The following LRRC4C variants were observed in gnomAD, a reference collection of about 807,000 sequenced individuals.
The protein encoded by LRRC4C is leucine-rich repeat-containing protein 4C.
LRRC4C carries 5 observed loss-of-function variants against 33.6 expected under a neutral mutation model. That is an observed-to-expected ratio of 0.15 (90% CI 0.08 to 0.31). The LOEUF is 0.31. LRRC4C is among the 10% of genes least tolerant of loss of function. LRRC4C has a pLI of 1.00. For synonymous variants in LRRC4C, 329 were observed against 302.0 expected (o/e 1.09, Z -0.93); for missense variants, 560 against 796.7 (o/e 0.70, Z 3.58).
At chr11:41,052,432 C>T (rs1858301843) in intron 1 of LRRC4C, among the ~76,000 whole-genome samples, 1 of 151,654 alleles carries the variant, frequency 6.6e-6, no homozygotes. Context: ...ACAGCCAAAT[C>T]CAGTGCCCTA....
At chr11:41,454,136 G>A (rs556452852) in intron 1 of LRRC4C, among the ~76,000 whole-genome samples, 3 of 152,184 alleles carry the variant, frequency 2.0e-5, no homozygotes, top group South Asian at 4.2e-4. Flanking sequence ...TTGCAGTACC[G>A]AAATACCTGG....
intron 4 of LRRC4C, among the ~76,000 whole-genome samples, chr11:40,270,243 C>A (rs1396234502): frequency 6.6e-6 from 1 of 152,162 alleles, no homozygotes; most frequent in African/African-American, 2.4e-5. Flanking sequence ...GTGGCTTAAA[C>A]AATAGAAATT....
At chr11:41,160,022 C>A (rs1944398068) in intron 1 of LRRC4C, among the ~76,000 whole-genome samples, 1 of 151,986 alleles carries the variant, frequency 6.6e-6, no homozygotes, top group African/African-American at 2.4e-5. Flanking sequence ...AAAGGGCACA[C>A]ACACATACAC....
intron 3 of LRRC4C, among the ~76,000 whole-genome samples, chr11:40,328,623 G>A (rs934834202): frequency 3.3e-5 from 5 of 152,182 alleles, no homozygotes; most frequent in Non-Finnish European, 5.9e-5. Context: ...TTGAGGTATT[G>A]TACATTTCCT....
intron 1 of LRRC4C, among the ~76,000 whole-genome samples, chr11:41,260,695 CA>C (rs1032663113): frequency 6.6e-6 from 1 of 151,604 alleles, no homozygotes; most frequent in Non-Finnish European, 1.5e-5. Flanking sequence ...TGGGGAATAA[CA>C]AAAACAAAAC....
At chr11:40,571,227 G>A (rs1454837014) in intron 3 of LRRC4C, among the ~76,000 whole-genome samples, 1 of 152,108 alleles carries the variant, frequency 6.6e-6, no homozygotes, top group African/African-American at 2.4e-5. Context: ...CAGACATAAA[G>A]CATTCAACTA....
intron 3 of LRRC4C, among the ~76,000 whole-genome samples, chr11:40,354,280 C>T (rs1947553921): frequency 6.6e-6 from 1 of 152,186 alleles, no homozygotes; most frequent in South Asian, 2.1e-4. Flanking sequence ...ACCCCTGTGA[C>T]TACCACCACT....
chr11:40,979,383 G>A (rs1852338328), intron 1 of LRRC4C, among the ~76,000 whole-genome samples: 3 of 152,092 alleles, frequency 2.0e-5, no homozygotes, highest in African/African-American at 7.2e-5. Context: ...TTAATCTATA[G>A]GTAAACAAAT....
chr11:40,600,043 T>G (rs1196954631), intron 3 of LRRC4C, among the ~76,000 whole-genome samples: 1 of 152,196 alleles, frequency 6.6e-6, no homozygotes, highest in Non-Finnish European at 1.5e-5. Flanking sequence ...AGTACAGGAA[T>G]GAACACTGAT....
At chr11:41,017,959 C>T (rs1045621324) in intron 1 of LRRC4C, among the ~76,000 whole-genome samples, 5 of 151,814 alleles carry the variant, frequency 3.3e-5, no homozygotes, top group Non-Finnish European at 5.9e-5. Flanking sequence ...ATTTTTAATG[C>T]GTCCTTAGTA....
At chr11:41,035,407 T>C (rs892965523) in intron 1 of LRRC4C, among the ~76,000 whole-genome samples, 1 of 152,014 alleles carries the variant, frequency 6.6e-6, no homozygotes, top group Non-Finnish European at 1.5e-5. Flanking sequence ...CAGGCCCCAA[T>C]GTGTGTTGTT....
At chr11:41,004,968 T>C (rs1293674778) in intron 1 of LRRC4C, among the ~76,000 whole-genome samples, 5 of 151,542 alleles carry the variant, frequency 3.3e-5, no homozygotes, top group African/African-American at 1.2e-4. Flanking sequence ...CTTCAGTTTT[T>C]CTGTTGTTGT....
chr11:40,344,084 G>A (rs1226945424), intron 3 of LRRC4C, among the ~76,000 whole-genome samples: 3 of 152,024 alleles, frequency 2.0e-5, no homozygotes, highest in Non-Finnish European at 4.4e-5. Context: ...AAGAAGAGCT[G>A]GTACCATTTC....
intron 1 of LRRC4C, among the ~76,000 whole-genome samples, chr11:41,083,841 G>A (rs1353747139): frequency 6.6e-6 from 1 of 152,090 alleles, no homozygotes; most frequent in Non-Finnish European, 1.5e-5. Context: ...TCATGACAGT[G>A]GAAACACAAT....
At chr11:41,031,463 C>G (rs1856723940) in intron 1 of LRRC4C, among the ~76,000 whole-genome samples, 1 of 151,868 alleles carries the variant, frequency 6.6e-6, no homozygotes, top group African/African-American at 2.4e-5. Context: ...GTAAAACAGA[C>G]ATTTTAGAGA....
rs561730466 is a variant in LRRC4C at position 40,659,243 on chromosome 11, C to T, written c.-406-10965G>A. Among the ~76,000 whole-genome samples the T allele has an allele frequency of 1.6e-4, 24 of 152,338 alleles. No homozygotes were observed. The South Asian group carries it at 4.8e-3, about 30-fold the overall frequency. Reference sequence around the variant, plus strand: ...TGGAGCAGTGCTGACATGCCAGTCCCCTGCCACCTTGGTCCTCTCTGGACT... The same window carrying T: ...TGGAGCAGTGCTGACATGCCAGTCCTCTGCCACCTTGGTCCTCTCTGGACT... On this transcript the variant is annotated intron_variant, in intron 2 of 6. Transcript: ENST00000528697.
At chr11:40,190,187 G>A (rs558176704) in intron 5 of LRRC4C, among the ~76,000 whole-genome samples, 1 of 152,336 alleles carries the variant, frequency 6.6e-6, no homozygotes, top group South Asian at 2.1e-4. Flanking sequence ...GAAAATGGGA[G>A]AATCTAGAGG....
chr11:40,231,431 CAT>C (rs1335242880), intron 5 of LRRC4C, among the ~76,000 whole-genome samples: 55 of 150,990 alleles, frequency 3.6e-4, no homozygotes, highest in Middle Eastern at 3.5e-3. Flanking sequence ...TTTGTATACA[CAT>C]ATAAGTACAT....
chr11:40,870,267 T>C (rs946862905), intron 2 of LRRC4C, among the ~76,000 whole-genome samples: 2 of 152,304 alleles, frequency 1.3e-5, no homozygotes, highest in South Asian at 4.1e-4. Flanking sequence ...ATTCTCATTA[T>C]AACTTATCAA....
Sources: allele counts gnomAD v4.1 joint callset (sites outside exome capture counted in the v4.1 genomes callset), GRCh38; gene constraint gnomAD v4.1.1; transcripts MANE v1.5; gene names NCBI Gene and HGNC (gene_info 2026-07-23, HGNC 2026-07-21).